The following ZDHHC7 variants were observed in gnomAD, a reference collection of about 807,000 sequenced individuals.
The protein encoded by ZDHHC7 is palmitoyltransferase ZDHHC7.
Under a neutral mutation model 34.1 loss-of-function variants are expected in ZDHHC7, and 12 were observed. The ratio of observed to expected loss-of-function variants is 0.35; its 90% CI spans 0.23 to 0.57. The LOEUF is 0.57. Ranked by LOEUF, ZDHHC7 falls within the 20% of genes least tolerant of loss-of-function variation. The pLI, the probability that ZDHHC7 is intolerant of heterozygous loss-of-function variation, is 0.84. For missense variants in ZDHHC7, 388 were observed against 402.7 expected (o/e 0.96, Z 0.31); for synonymous variants, 185 against 155.4 (o/e 1.19, Z -1.42).
upstream of ZDHHC7, among the ~76,000 whole-genome samples, chr16:85,011,830 G>A (rs1189915345): frequency 2.6e-5 from 4 of 152,218 alleles, no homozygotes; most frequent in Admixed American, 1.3e-4. Context: ...CGCCCGCGGC[G>A]GTGTCTCAGA....
At chr16:85,012,331 C>T (rs541970946), upstream of ZDHHC7, among the ~76,000 whole-genome samples, 109 of 146,706 alleles carry the variant, frequency 7.4e-4, no homozygotes, top group African/African-American at 2.7e-3. Context: ...TTGCAGTGAG[C>T]TGAGATCAAG....
At chr16:85,023,416 C>T in the ZDHHC7 span, among the ~76,000 whole-genome samples, 5 of 152,006 alleles carry the variant, frequency 3.3e-5, no homozygotes, top group African/African-American at 4.8e-5. Context: ...CCACCCGCCT[C>T]GGCCTCCCAA....
At chr16:85,022,452 G>A in the ZDHHC7 span, among the ~76,000 whole-genome samples, 1 of 152,116 alleles carries the variant, frequency 6.6e-6, no homozygotes, top group Non-Finnish European at 1.5e-5. Flanking sequence ...GAACGTGGGA[G>A]GCGGAGGTTG....
At chr16:84,979,110 G>A (rs1001680516) in intron 5 of ZDHHC7, 79 bp downstream of exon 5, 1 of 1,403,284 alleles carries the variant, frequency 7.1e-7, no homozygotes, top group Non-Finnish European at 9.6e-7. Flanking sequence ...GACGTTAGTA[G>A]ATTTCTCTGC....
chr16:84,998,408 G>C (rs1199444780), intron 1 of ZDHHC7, among the ~76,000 whole-genome samples: 2 of 152,132 alleles, frequency 1.3e-5, no homozygotes, highest in Non-Finnish European at 2.9e-5. Context: ...CGGCTGCCTG[G>C]CTCCTCCACT....
intron 3 of ZDHHC7, among the ~76,000 whole-genome samples, chr16:84,987,279 G>A (rs116893987): frequency 1.6e-3 from 247 of 152,308 alleles, no homozygotes; most frequent in Non-Finnish European, 3.1e-3. Context: ...ACACACAAAT[G>A]GCCAACAAGC....
chr16:84,994,419 G>A (rs544463535), intron 2 of ZDHHC7, among the ~76,000 whole-genome samples: 9 of 152,296 alleles, frequency 5.9e-5, no homozygotes, highest in Middle Eastern at 6.8e-3. Context: ...AATAGGACAC[G>A]TTCCATGAGA....
chr16:85,016,055 A>AC (rs996105779), upstream of ZDHHC7, among the ~76,000 whole-genome samples: 7 of 151,146 alleles, frequency 4.6e-5, no homozygotes, highest in Non-Finnish European at 1.0e-4. Flanking sequence ...AGGCATTTCC[A>AC]CCCCCCCAAC....
chr16:85,016,038 T>C (rs1203511693), upstream of ZDHHC7, among the ~76,000 whole-genome samples: 1 of 152,080 alleles, frequency 6.6e-6, no homozygotes, highest in Non-Finnish European at 1.5e-5. Flanking sequence ...AGGGATTATA[T>C]ATAGTGAGGC....
the ZDHHC7 span, among the ~76,000 whole-genome samples, chr16:85,024,237 T>G: frequency 4.5e-4 from 66 of 147,068 alleles, no homozygotes; most frequent in African/African-American, 9.3e-4. Flanking sequence ...TTTGTTTTTT[T>G]TTTTTTTTTT....
chr16:84,990,900 A>C (rs1309901932), intron 2 of ZDHHC7, among the ~76,000 whole-genome samples: 1 of 152,228 alleles, frequency 6.6e-6, no homozygotes, highest in East Asian at 1.9e-4. Context: ...CCACATACAA[A>C]GATTATGGAA....
intron 2 of ZDHHC7, among the ~76,000 whole-genome samples, chr16:84,995,383 T>C (rs1265911516): frequency 6.6e-6 from 1 of 152,208 alleles, no homozygotes; most frequent in Admixed American, 6.5e-5. Context: ...CCCAGCACTT[T>C]GGGAGGCCAA....
Position 84,977,221 on chromosome 16 carries a change from G to A in ZDHHC7, c.624C>T (p.Cys208=), listed in dbSNP as rs148240410. Residue 208 remains cysteine (C), a synonymous_variant, in exon 7 of 8, where the codon TGC becomes TGT. Coordinates refer to ENST00000313732, the MANE Select transcript of ZDHHC7 (RefSeq NM_017740.3). The stretch of plus-strand genomic sequence containing the variant: ...CAGTTATCGGAGGTGAAAAATCACT[G>A]CATTCTGCGGACAAGAGGAAGTTGG... The part of the protein sequence containing the change: ...ISCVRGQWTE[C]SDFSPPITVI... The A allele has an allele frequency of 4.1e-4, 663 of 1,614,180 alleles. 1 individual carries two copies. The African/African-American group carries it at 7.6e-3, about 19-fold the overall frequency.
chr16:85,015,113 T>C (rs2143783530), upstream of ZDHHC7, among the ~76,000 whole-genome samples: 5 of 151,862 alleles, frequency 3.3e-5, no homozygotes, highest in East Asian at 9.7e-4. Context: ...TTTTTTTTTT[T>C]TCTGAGATGG....
intron 1 of ZDHHC7, among the ~76,000 whole-genome samples, chr16:85,007,140 G>A (rs907004954): frequency 6.6e-6 from 1 of 151,960 alleles, no homozygotes; most frequent in African/African-American, 2.4e-5. Flanking sequence ...GAATGGAATG[G>A]AGGCTGGGCA....
chr16:85,019,186 C>T, the ZDHHC7 span, among the ~76,000 whole-genome samples: 269 of 152,318 alleles, frequency 1.8e-3, 2 homozygotes, highest in South Asian at 6.2e-3. Flanking sequence ...CCCTCGCATT[C>T]CTGCAACGTA....
At chr16:84,998,975 G>A (rs1023648513) in intron 1 of ZDHHC7, among the ~76,000 whole-genome samples, 6 of 151,976 alleles carry the variant, frequency 3.9e-5, no homozygotes, top group Non-Finnish European at 7.4e-5. Flanking sequence ...GGCTGGTCTC[G>A]AACTCCTGAC....
intron 1 of ZDHHC7, among the ~76,000 whole-genome samples, chr16:85,007,810 A>T (rs2072737646): frequency 6.6e-6 from 1 of 152,078 alleles, no homozygotes; most frequent in Non-Finnish European, 1.5e-5. Flanking sequence ...TTCAAGTAGG[A>T]AGGGACCAGG....
At chr16:85,013,015 G>A (rs928144546), upstream of ZDHHC7, among the ~76,000 whole-genome samples, 12 of 152,154 alleles carry the variant, frequency 7.9e-5, no homozygotes, top group African/African-American at 2.9e-4. Flanking sequence ...TGCAGGAAAA[G>A]TTCTCTTTAT....
Sources: allele counts gnomAD v4.1 joint callset (sites outside exome capture counted in the v4.1 genomes callset), GRCh38; gene constraint gnomAD v4.1.1; transcripts MANE v1.5; gene names NCBI Gene and HGNC (gene_info 2026-07-23, HGNC 2026-07-21).